The following AGMO variants were observed in gnomAD, a reference collection of about 807,000 sequenced individuals.
AGMO encodes glyceryl-ether monooxygenase.
Under a neutral mutation model 60.2 loss-of-function variants are expected in AGMO, and 75 were observed. The observed-to-expected ratio is 1.25, with a 90% CI of 1.03 to 1.51. The LOEUF (loss-of-function observed/expected upper bound fraction) is 1.51, where lower values mean the gene tolerates loss of function less well. AGMO is among the 40% of genes most tolerant of loss of function. The pLI, the probability that AGMO is intolerant of heterozygous loss-of-function variation, is 0.00. For synonymous variants in AGMO, 261 were observed against 177.1 expected (o/e 1.47, Z -3.76); for missense variants, 763 against 525.5 (o/e 1.45, Z -4.42).
intron 5 of AGMO, among the ~76,000 whole-genome samples, chr7:15,407,674 A>T (rs965642541): frequency 5.3e-5 from 8 of 151,946 alleles, no homozygotes; most frequent in African/African-American, 1.4e-4. Context: ...AATCAATAGA[A>T]TTTTTTATTT....
At chr7:15,323,046 G>T (rs1366818572) in intron 12 of AGMO, among the ~76,000 whole-genome samples, 2 of 150,408 alleles carry the variant, frequency 1.3e-5, no homozygotes, top group Non-Finnish European at 3.0e-5. Context: ...ACACAACTGT[G>T]ATCATCTTGA....
At chr7:15,195,439 A>G (rs578207658), downstream of AGMO, among the ~76,000 whole-genome samples, 127 of 152,278 alleles carry the variant, frequency 8.3e-4, no homozygotes, top group Admixed American at 2.6e-3. Context: ...GGGCCCAAAG[A>G]TTGGTTGGAC....
chr7:15,161,058 C>A, the AGMO span, among the ~76,000 whole-genome samples: 5 of 152,046 alleles, frequency 3.3e-5, no homozygotes, highest in African/African-American at 1.2e-4. Context: ...AATAATGAAC[C>A]CACTCCTGTC....
chr7:15,185,581 G>T, the AGMO span, among the ~76,000 whole-genome samples: 1 of 152,170 alleles, frequency 6.6e-6, no homozygotes, highest in East Asian at 1.9e-4. Flanking sequence ...ATGACTGCCA[G>T]TCGGCATCCC....
At chr7:15,499,147 G>A (rs2043563) in intron 3 of AGMO, among the ~76,000 whole-genome samples, 94,764 of 151,664 alleles carry the variant, frequency 0.62, 30,208 homozygotes, top group East Asian at 0.97. Flanking sequence ...TAAAAACTCC[G>A]ATACAGCACA....
chr7:15,206,655 A>G (rs1192300060), intron 12 of AGMO, among the ~76,000 whole-genome samples: 2 of 152,176 alleles, frequency 1.3e-5, no homozygotes, highest in African/African-American at 4.8e-5. Flanking sequence ...ATTGAAAAGA[A>G]TATCAATAGT....
At chr7:15,281,693 A>G (rs1380286740) in intron 12 of AGMO, among the ~76,000 whole-genome samples, 2 of 152,154 alleles carry the variant, frequency 1.3e-5, no homozygotes, top group African/African-American at 4.8e-5. Context: ...ATACCCATTG[A>G]TGGACACCTG....
chr7:15,367,081 A>T (rs1783016567), intron 10 of AGMO, among the ~76,000 whole-genome samples: 2 of 152,036 alleles, frequency 1.3e-5, no homozygotes, highest in Admixed American at 1.3e-4. Flanking sequence ...TCTTTTGGAA[A>T]AATGAACCAT....
At chr7:15,368,578 G>C (rs540088250) in intron 10 of AGMO, among the ~76,000 whole-genome samples, 1 of 152,214 alleles carries the variant, frequency 6.6e-6, no homozygotes, top group South Asian at 2.1e-4. Flanking sequence ...ATACGCGTTT[G>C]GCAAGGACTG....
intron 4 of AGMO, among the ~76,000 whole-genome samples, chr7:15,428,716 C>T (rs1289707048): frequency 6.6e-6 from 1 of 152,038 alleles, no homozygotes; most frequent in East Asian, 1.9e-4. Flanking sequence ...GTCAATGATG[C>T]TCTGATAATT....
chr7:15,336,949 C>T (rs1781684292), intron 12 of AGMO, among the ~76,000 whole-genome samples: 1 of 152,156 alleles, frequency 6.6e-6, no homozygotes, highest in Non-Finnish European at 1.5e-5. Flanking sequence ...TGAACTTCAA[C>T]ATCTGAAAAC....
chr7:15,207,731 G>A (rs190021625), intron 12 of AGMO, among the ~76,000 whole-genome samples: 105 of 152,224 alleles, frequency 6.9e-4, no homozygotes, highest in Middle Eastern at 3.4e-3. Flanking sequence ...TCAGGAGATC[G>A]AGACCATCCT....
chr7:15,123,349 T>C, the AGMO span, among the ~76,000 whole-genome samples: 2 of 152,128 alleles, frequency 1.3e-5, no homozygotes, highest in African/African-American at 4.8e-5. Context: ...ACCTTTGTTT[T>C]GTATACTAGA....
chr7:15,439,992 G>A (rs1185612595), intron 3 of AGMO, among the ~76,000 whole-genome samples: 1 of 152,124 alleles, frequency 6.6e-6, no homozygotes, highest in African/African-American at 2.4e-5. Flanking sequence ...CAAACCAGCT[G>A]TATTTTGAAA....
chr7:15,443,325 A>G (rs1219870935), intron 3 of AGMO, among the ~76,000 whole-genome samples: 1 of 152,144 alleles, frequency 6.6e-6, no homozygotes, highest in Non-Finnish European at 1.5e-5. Flanking sequence ...TTGGAGCCCC[A>G]CAGCCTGCCC....
the AGMO span, among the ~76,000 whole-genome samples, chr7:15,185,517 C>G: frequency 2.6e-5 from 4 of 152,310 alleles, no homozygotes; most frequent in African/African-American, 9.6e-5. Flanking sequence ...ACTAGGTGAT[C>G]TATGGCCCTA....
the AGMO span, among the ~76,000 whole-genome samples, chr7:15,190,457 G>T: frequency 1.1e-3 from 161 of 151,994 alleles, no homozygotes; most frequent in Middle Eastern, 3.4e-3. Context: ...ATAGTGGAAA[G>T]AATAAGGGAG....
At chr7:15,141,521 G>A in the AGMO span, among the ~76,000 whole-genome samples, 2 of 152,112 alleles carry the variant, frequency 1.3e-5, no homozygotes, top group African/African-American at 2.4e-5. Context: ...GGGAGGCAGC[G>A]GTTGCAGTGA....
chr7:15,181,153 A>G, the AGMO span, among the ~76,000 whole-genome samples: 1 of 152,198 alleles, frequency 6.6e-6, no homozygotes, highest in African/African-American at 2.4e-5. Flanking sequence ...TGAGTTTTGG[A>G]GAAGACATTC....
Sources: allele counts gnomAD v4.1 joint callset (sites outside exome capture counted in the v4.1 genomes callset), GRCh38; gene constraint gnomAD v4.1.1; transcripts MANE v1.5; gene names NCBI Gene and HGNC (gene_info 2026-07-23, HGNC 2026-07-21).